The following HECTD4 variants were observed in gnomAD, a reference collection of about 807,000 sequenced individuals.
The protein encoded by HECTD4 is HECT domain E3 ubiquitin protein ligase 4.
Under a neutral mutation model 471.5 loss-of-function variants are expected in HECTD4, and 114 were observed. The ratio of observed to expected loss-of-function variants is 0.24; its 90% CI spans 0.21 to 0.28. HECTD4 has a LOEUF of 0.28. HECTD4 is among the 10% of genes least tolerant of loss of function. The pLI is 1.00. For missense variants in HECTD4, 3,866 were observed against 5,651.5 expected (o/e 0.68, Z 10.13); for synonymous variants, 2,012 against 2,256.0 (o/e 0.89, Z 3.07).
At position 112,251,064 on chromosome 12, in the gene HECTD4, G is replaced by C; in HGVS notation, c.3623C>G (p.Ala1208Gly). The C allele has an allele frequency of 6.2e-7, 1 of 1,614,018 alleles. No homozygotes were observed. The highest frequency in any genetic ancestry group is 8.5e-7 in the Non-Finnish European group (1 of 1,179,888). Reference sequence around the variant, plus strand: ...GTACAGGATTCTTAACATGGAACAAGCTAACACAGACAGACCTAAAGCCAG... The same window carrying C: ...GTACAGGATTCTTAACATGGAACAACCTAACACAGACAGACCTAAAGCCAG... ...VDLALGLSVL[A>G]CSMLRILYNG... The change falls in exon 24 of 76, where the codon GCT becomes GGT. Residue 1208 changes from alanine (A) to glycine (G), a missense_variant. Physicochemically the swap from Ala to Gly is moderately conservative, Grantham distance 60 (BLOSUM62 0). Transcript: ENST00000682272.
intron 1 of HECTD4, among the ~76,000 whole-genome samples, chr12:112,370,508 T>C (rs755994084): frequency 3.3e-5 from 5 of 152,164 alleles, no homozygotes; most frequent in Non-Finnish European, 5.9e-5. Context: ...AGACACAGAA[T>C]GATCAAAACA....
At chr12:112,345,763 C>T (rs932124598) in intron 1 of HECTD4, among the ~76,000 whole-genome samples, 1 of 152,020 alleles carries the variant, frequency 6.6e-6, no homozygotes, top group Admixed American at 6.5e-5. Context: ...GGCATGGTGG[C>T]GGGCACCTGT....
intron 49 of HECTD4, among the ~76,000 whole-genome samples, chr12:112,211,729 G>GA (rs1166360677): frequency 6.6e-6 from 1 of 152,056 alleles, no homozygotes; most frequent in Non-Finnish European, 1.5e-5. Flanking sequence ...TGGAGCAGAA[G>GA]AAAAAAGAGG....
chr12:112,312,772 C>T (rs950716970), intron 4 of HECTD4, among the ~76,000 whole-genome samples: 7 of 152,146 alleles, frequency 4.6e-5, no homozygotes, highest in African/African-American at 1.7e-4. Context: ...TTCATGGCTC[C>T]TTGGCAAGAG....
chr12:112,308,286 G>A (rs931396377), intron 6 of HECTD4, among the ~76,000 whole-genome samples: 12 of 152,052 alleles, frequency 7.9e-5, no homozygotes, highest in Admixed American at 5.2e-4. Flanking sequence ...GAGTGCTTAC[G>A]AGAGCACTAA....
At chr12:112,310,718 C>T (rs879703600) in intron 4 of HECTD4, among the ~76,000 whole-genome samples, 6 of 152,108 alleles carry the variant, frequency 3.9e-5, no homozygotes, top group Non-Finnish European at 8.8e-5. Context: ...AAGTGGGTAA[C>T]CATTTTTAAA....
intron 37 of HECTD4, among the ~76,000 whole-genome samples, chr12:112,233,505 G>A (rs541696886): frequency 1.4e-4 from 22 of 152,100 alleles, no homozygotes; most frequent in Admixed American, 1.4e-3. Flanking sequence ...TTACAGGCAT[G>A]AGCCACCATG....
intron 5 of HECTD4, among the ~76,000 whole-genome samples, chr12:112,309,343 A>G (rs995182303): frequency 4.6e-4 from 70 of 152,222 alleles, no homozygotes; most frequent in African/African-American, 1.6e-3. Context: ...GGGGCTACCA[A>G]ACTCTTCTGG....
chr12:112,189,113 C>G (rs1297935210), intron 60 of HECTD4, among the ~76,000 whole-genome samples: 1 of 152,176 alleles, frequency 6.6e-6, no homozygotes, highest in Non-Finnish European at 1.5e-5. Context: ...CTTGCCTCAG[C>G]CTCTCAAAGT....
chr12:112,243,476 C>G lies in HECTD4; in HGVS notation c.4835G>C (p.Arg1612Pro). Reference protein sequence around the residue: ...SFLLAAQTRWRRGNTRKQALV... With the variant: ...SFLLAAQTRWPRGNTRKQALV... ...TGCCTGCTTGCGAGTGTTTCCCCGC[C>G]GCCACCTTGTCTGTGCAGCCAAAAG... The change falls in exon 32 of 76, where the codon CGG (arginine) becomes CCG (proline). Residue 1612 changes from arginine (R) to proline (P), a missense_variant. Around this residue, in one of 16 missense-constraint regions of HECTD4, gnomAD observed 229 missense variants for 386.4 expected, o/e 0.59. Transcript: ENST00000682272. The surrounding 1 kb of genome is among the most constrained non-coding windows in gnomAD (Gnocchi z 6.6). 1 of 1,607,406 alleles carries G rather than the reference C, an allele frequency of 6.2e-7. No individual in the cohort carries two copies. Among genetic ancestry groups the G allele is most frequent in the Non-Finnish European group, 8.5e-7 (1 of 1,176,974 alleles).
At position 112,228,858 on chromosome 12, in the gene HECTD4, G is replaced by A; in HGVS notation, c.6520-47C>T. On this transcript the variant is annotated intron_variant, in intron 41 of 75. Coordinates refer to ENST00000682272, the MANE Select transcript of HECTD4 (RefSeq NM_001388303.1). The surrounding 1 kb of genome is among the most constrained non-coding windows in gnomAD (Gnocchi z 4.9). ...CACTACCAACCAGCTCTGACGTGTGGGCAGCTGTCTTACGAGACAAGAGGA... is the reference window on the plus strand; with the variant it reads ...CACTACCAACCAGCTCTGACGTGTGAGCAGCTGTCTTACGAGACAAGAGGA... 2 of 1,558,232 alleles carry A rather than the reference G, an allele frequency of 1.3e-6. No homozygotes were observed. Among genetic ancestry groups the A allele is most frequent in the Non-Finnish European group, 1.7e-6 (2 of 1,146,378 alleles).
At chr12:112,308,516 A>G (rs1295086955) in intron 6 of HECTD4, among the ~76,000 whole-genome samples, 1 of 151,802 alleles carries the variant, frequency 6.6e-6, no homozygotes, top group Non-Finnish European at 1.5e-5. Context: ...ATTTTTTCTT[A>G]ATTATAAAAA....
intron 7 of HECTD4, among the ~76,000 whole-genome samples, chr12:112,289,442 G>A (rs887589327): frequency 6.6e-5 from 10 of 151,996 alleles, no homozygotes; most frequent in Non-Finnish European, 8.8e-5. Flanking sequence ...GATCTTAGTC[G>A]TTTCAATCCA....
Position 112,203,736 on chromosome 12 carries a change from T to C in HECTD4, c.8306A>G (p.Asn2769Ser). 6.2e-7 allele frequency: 1 copy of C among 1,612,736 alleles called. No individual in the cohort carries two copies. Among genetic ancestry groups the C allele is most frequent in the Non-Finnish European group, 8.5e-7 (1 of 1,179,266 alleles). Residue 2769 changes from asparagine (N) to serine (S), a missense_variant, in exon 54 of 76, where the codon AAT (asparagine) becomes AGT (serine). By Grantham distance (46) the Asn-to-Ser change is conservative. Coordinates refer to ENST00000682272, the MANE Select transcript of HECTD4 (RefSeq NM_001388303.1). ...AGTTCCAACAGCACTGCTGGCTACA[T>C]TATTGCTGTCTGGAGAGCGGGTTAC... ...TVVTRSPDSN[N>S]VASSAVGTAL...
chr12:112,181,587 T>G (rs879489494), intron 62 of HECTD4, among the ~76,000 whole-genome samples: 7 of 152,122 alleles, frequency 4.6e-5, no homozygotes, highest in Non-Finnish European at 1.0e-4. Flanking sequence ...CTTAGCCTCC[T>G]GAGTAGCTGG....
At chr12:112,267,102 C>T in intron 13 of HECTD4, 120 bp from the exon 14 acceptor site, 1 of 642,220 alleles carries the variant, frequency 1.6e-6, no homozygotes, top group South Asian at 2.0e-5. Flanking sequence ...CTGGCTGCGA[C>T]ATCTGTCACC....
intron 45 of HECTD4, among the ~76,000 whole-genome samples, chr12:112,218,387 G>A (rs1232075536): frequency 2.0e-5 from 3 of 151,932 alleles, no homozygotes; most frequent in Non-Finnish European, 2.9e-5. Context: ...GTAGTCAATC[G>A]CCGTTCCTCT....
chr12:112,292,241 T>A (rs900284895), intron 7 of HECTD4, among the ~76,000 whole-genome samples: 2 of 152,228 alleles, frequency 1.3e-5, no homozygotes, highest in Non-Finnish European at 2.9e-5. Context: ...CTCAGGGGCA[T>A]CTGCATATGC....
chr12:112,260,421 C>T (rs1487126481), intron 18 of HECTD4, among the ~76,000 whole-genome samples: 2 of 152,154 alleles, frequency 1.3e-5, no homozygotes, highest in Non-Finnish European at 2.9e-5. Flanking sequence ...AACCTCCTAT[C>T]TACTCTCTGG....
Sources: gnomAD v4.1 joint callset for allele counts (sites outside exome capture counted in the v4.1 genomes callset) on GRCh38, gnomAD v4.1.1 for gene constraint, gnomAD v4.1.1 regional missense constraint, Gnocchi (gnomAD v3.1) non-coding constraint, MANE v1.5 for transcripts, NCBI Gene and HGNC (gene_info 2026-07-23, HGNC 2026-07-21) for gene names.